Variants in SNURF observed in about 807,000 individuals in gnomAD.
SNURF encodes SNURF protein.
Under a neutral mutation model 11.6 loss-of-function variants are expected in SNURF, and 6 were observed. The observed-to-expected ratio is 0.52, with a 90% confidence interval of 0.28 to 1.02. SNURF has a LOEUF of 1.02. Among genes scored for constraint, SNURF ranks in the 50% least tolerant of loss-of-function variants. The pLI, the probability that SNURF is intolerant of heterozygous loss-of-function variation, is 0.09. For missense variants in SNURF, 84 were observed against 88.4 expected (o/e 0.95, Z 0.20); for synonymous variants, 29 against 31.6 (o/e 0.92, Z 0.27).
intron 2 of SNURF, among the ~76,000 whole-genome samples, chr15:24,965,821 G>A (rs886749831): frequency 5.3e-5 from 8 of 152,002 alleles, no homozygotes; most frequent in Non-Finnish European, 1.2e-4. Context: ...AGATCTGAGG[G>A]GGACATTGCA....
chr15:24,977,879 T>A (rs776971923), downstream of SNURF: 1 of 1,599,602 alleles, frequency 6.3e-7, no homozygotes, highest in Non-Finnish European at 8.5e-7. Flanking sequence ...GACGGGGCAC[T>A]CCGCCCCCAC....
chr15:24,976,939 T>C (rs1004922596), exon 6 of SNURF: 4 of 1,608,636 alleles, frequency 2.5e-6, no homozygotes, highest in Non-Finnish European at 2.5e-6. Context: ...GTAGGGCAGC[T>C]GGTAGAGGAG....
chr15:24,967,380 T>G (rs1596280380), intron 2 of SNURF: 1 of 156,974 alleles, frequency 6.4e-6, no homozygotes, highest in Non-Finnish European at 1.4e-5. Context: ...TGGCTCACGC[T>G]TGTAATCCCA....
chr15:24,962,309 A>T (rs1490267751), intron 2 of SNURF, 100 bp downstream of exon 2: 5 of 919,468 alleles, frequency 5.4e-6, no homozygotes, highest in Non-Finnish European at 8.8e-6. Flanking sequence ...ACATAATTGA[A>T]GAAGCAGACA....
rs565063523 is a variant in SNURF at position 24,966,281 on chromosome 15, C to A, written c.111-1651C>A. Among the ~76,000 whole-genome samples, 391 of 146,148 alleles carry A rather than the reference C, an allele frequency of 2.7e-3. 1 individual carries two copies. The highest frequency in any genetic ancestry group is 0.011 in the African/African-American group (381 of 36,198). ...AGATCTCAAGAAAGTGCTATACTTA[C>A]TAGTTTTTTTTATAAAGGATACAAA... On this transcript the variant is annotated intron_variant, in intron 2 of 2. Coordinates refer to ENST00000577949, the Ensembl canonical transcript of SNURF.
chr15:24,978,509 G>A (rs537311445), downstream of SNURF: 38 of 1,439,374 alleles, frequency 2.6e-5, 1 homozygote, highest in Admixed American at 1.9e-4. Flanking sequence ...TGTGTAGAGT[G>A]TTTGTGAGCT....
At chr15:24,977,153 A>G in intron 6 of SNURF, 1 of 681,202 alleles carries the variant, frequency 1.5e-6, no homozygotes, top group Admixed American at 3.9e-5. Context: ...AGGAGGAACC[A>G]AAACACAGAT....
chr15:24,956,716 A>C (rs938045244), intron 1 of SNURF, among the ~76,000 whole-genome samples: 1 of 152,054 alleles, frequency 6.6e-6, no homozygotes, highest in African/African-American at 2.4e-5. Flanking sequence ...GAGGAGGGAG[A>C]TGGGTTGGCG....
chr15:24,972,606 C>T (rs1320494229), downstream of SNURF, among the ~76,000 whole-genome samples: 9 of 142,112 alleles, frequency 6.3e-5, no homozygotes, highest in East Asian at 4.2e-4. Context: ...TGCAATGGTG[C>T]GATCTCCGCT....
exon 3 of SNURF, chr15:24,968,185 G>A: frequency 1.4e-6 from 1 of 734,154 alleles, no homozygotes; most frequent in East Asian, 2.7e-5. Flanking sequence ...TTTCCTTAGA[G>A]CTTCATACAA....
chr15:24,955,222 T>C (rs1194310343), intron 1 of SNURF, among the ~76,000 whole-genome samples, 160 bp downstream of exon 1: 1 of 152,146 alleles, frequency 6.6e-6, no homozygotes, highest in Non-Finnish European at 1.5e-5. Context: ...GTTCAGAGGC[T>C]TGCTGTTGTG....
chr15:24,974,059 G>A (rs1038595687), intron 3 of SNURF, among the ~76,000 whole-genome samples: 4 of 152,124 alleles, frequency 2.6e-5, no homozygotes, highest in African/African-American at 9.7e-5. Flanking sequence ...GGAAAATGAC[G>A]CTTAGTTTTT....
chr15:24,965,935 T>C (rs768991406), intron 2 of SNURF, among the ~76,000 whole-genome samples: 9 of 107,246 alleles, frequency 8.4e-5, no homozygotes, highest in Non-Finnish European at 1.2e-4. Flanking sequence ...AGTTGTCATT[T>C]GTAAACAGAG....
At chr15:24,969,857 A>G (rs1408150264), downstream of SNURF, among the ~76,000 whole-genome samples, 3 of 152,206 alleles carry the variant, frequency 2.0e-5, no homozygotes, top group Non-Finnish European at 4.4e-5. Context: ...TTATTGGAAC[A>G]CAACTCAGTT....
downstream of SNURF, chr15:24,978,140 A>G (rs2077280754): frequency 1.9e-6 from 3 of 1,578,268 alleles, no homozygotes; most frequent in Admixed American, 3.5e-5. Context: ...GCTAAATTCT[A>G]ACTTTTCTAA....
At chr15:24,962,780 A>G (rs2075035819) in intron 2 of SNURF, among the ~76,000 whole-genome samples, 1 of 152,202 alleles carries the variant, frequency 6.6e-6, no homozygotes, top group African/African-American at 2.4e-5. Context: ...TAAATGACCT[A>G]ATACATATTT....
downstream of SNURF, chr15:24,978,427 C>T: frequency 4.3e-6 from 7 of 1,613,798 alleles, no homozygotes; most frequent in African/African-American, 1.3e-5. Context: ...CCCAGGAATG[C>T]GTCCACCAAG....
At chr15:24,965,659 G>A (rs1279559480) in intron 2 of SNURF, among the ~76,000 whole-genome samples, 3 of 152,170 alleles carry the variant, frequency 2.0e-5, no homozygotes, top group Non-Finnish European at 2.9e-5. Context: ...AGTTCGAAGG[G>A]AAATTGGAAA....
intron 2 of SNURF, among the ~76,000 whole-genome samples, chr15:24,962,902 A>G (rs1160805439): frequency 1.3e-5 from 2 of 152,146 alleles, no homozygotes; most frequent in East Asian, 3.8e-4. Flanking sequence ...CTTAGCTACA[A>G]TTGTTTTTTT....
Sources: allele counts gnomAD v4.1 joint callset (sites outside exome capture counted in the v4.1 genomes callset), GRCh38; gene constraint gnomAD v4.1.1; transcripts MANE v1.5; gene names NCBI Gene and HGNC (gene_info 2026-07-23, HGNC 2026-07-21).